The following TACR1 variants were observed in gnomAD, a reference collection of about 807,000 sequenced individuals.
TACR1 encodes tachykinin receptor 1, also known as substance-P receptor.
In TACR1, 25 loss-of-function variants were observed where a neutral mutation model predicts 35.8. The observed-to-expected ratio is 0.70, with a 90% CI of 0.51 to 0.98. The LOEUF is 0.98. TACR1 is among the 50% of genes least tolerant of loss of function. The pLI, the probability that TACR1 is intolerant of heterozygous loss-of-function variation, is 0.00. For missense variants in TACR1, 478 were observed against 522.9 expected, an observed-to-expected ratio of 0.91 and a Z score of 0.84; for synonymous variants, 195 against 206.7, an observed-to-expected ratio of 0.94 and a Z score of 0.48.
chr2:75,085,021 T>C (rs1014647335), intron 2 of TACR1, among the ~76,000 whole-genome samples: 2 of 152,102 alleles, frequency 1.3e-5, no homozygotes, highest in Non-Finnish European at 2.9e-5. Flanking sequence ...TGTGATGTTA[T>C]GGTGTCAATT....
intron 2 of TACR1, among the ~76,000 whole-genome samples, chr2:75,086,448 A>C (rs1003934424): frequency 4.6e-5 from 7 of 152,220 alleles, no homozygotes; most frequent in Non-Finnish European, 1.0e-4. Context: ...CTCAGGTCCA[A>C]GTGCAGTACT....
At chr2:75,060,333 T>G (rs1367867310) in intron 2 of TACR1, among the ~76,000 whole-genome samples, 3 of 152,200 alleles carry the variant, frequency 2.0e-5, no homozygotes, top group Non-Finnish European at 4.4e-5. Context: ...TTTGTGCATG[T>G]GCGTTAGTGC....
chr2:75,089,650 G>C (rs1673266044), intron 2 of TACR1, among the ~76,000 whole-genome samples: 1 of 152,182 alleles, frequency 6.6e-6, no homozygotes, highest in Admixed American at 6.6e-5. Context: ...AGAGAAATGA[G>C]ATGTTTGGCC....
chr2:75,089,523 C>G (rs540053360), intron 2 of TACR1, among the ~76,000 whole-genome samples: 1 of 152,294 alleles, frequency 6.6e-6, no homozygotes, highest in African/African-American at 2.4e-5. Flanking sequence ...TTGAAAGTAT[C>G]TGATGACTTA....
chr2:75,134,728 G>A (rs1248809540), intron 1 of TACR1, among the ~76,000 whole-genome samples: 1 of 152,202 alleles, frequency 6.6e-6, no homozygotes, highest in African/African-American at 2.4e-5. Context: ...CTTATCAGGA[G>A]TCAGTATTGT....
chr2:75,051,268 G>A lies in TACR1; in HGVS notation c.915C>T (p.Tyr305=). Residue 305 remains tyrosine (Y), a synonymous_variant, in exon 4 of 5, where the codon TAC becomes TAT. Transcript: ENST00000305249. Reference sequence around the variant, plus strand: ...ATCCTCACCTGTCATTGAGGCAGCAGTAGATGATGGGGTTGTACATGGTGG... The same window carrying A: ...ATCCTCACCTGTCATTGAGGCAGCAATAGATGATGGGGTTGTACATGGTGG... ...MSSTMYNPII[Y]CCLNDRFRLG... 5 of 1,614,206 alleles carry A rather than the reference G, an allele frequency of 3.1e-6. No homozygotes were observed. Among genetic ancestry groups the A allele is most frequent in the Non-Finnish European group, 4.2e-6 (5 of 1,180,044 alleles).
chr2:75,109,386 T>G (rs558221161), intron 2 of TACR1, among the ~76,000 whole-genome samples: 49 of 152,188 alleles, frequency 3.2e-4, no homozygotes, highest in Non-Finnish European at 6.3e-4. Flanking sequence ...TTTTTAAATC[T>G]GGAATTTAAA....
At chr2:75,073,890 T>C (rs1175999101) in intron 2 of TACR1, among the ~76,000 whole-genome samples, 1 of 152,180 alleles carries the variant, frequency 6.6e-6, no homozygotes, top group Non-Finnish European at 1.5e-5. Context: ...GAATATGTTC[T>C]CCTCAGCACA....
intron 1 of TACR1, among the ~76,000 whole-genome samples, chr2:75,184,912 A>T (rs1230723424): frequency 6.6e-6 from 1 of 151,908 alleles, no homozygotes; most frequent in African/African-American, 2.4e-5. Flanking sequence ...TTGATATGCT[A>T]ATAATTCTTT....
At chr2:75,100,942 A>C (rs536798701) in intron 2 of TACR1, among the ~76,000 whole-genome samples, 1 of 152,292 alleles carries the variant, frequency 6.6e-6, no homozygotes, top group South Asian at 2.1e-4. Flanking sequence ...TAATTTATGT[A>C]CTTAATAACA....
intron 1 of TACR1, among the ~76,000 whole-genome samples, chr2:75,127,757 G>A (rs1674101678): frequency 6.6e-6 from 1 of 152,310 alleles, no homozygotes; most frequent in Middle Eastern, 3.4e-3. Context: ...ATGAGACGAG[G>A]TGATTCCAGA....
chr2:75,096,159 G>T (rs1355553998), intron 2 of TACR1, among the ~76,000 whole-genome samples: 1 of 152,200 alleles, frequency 6.6e-6, no homozygotes, highest in African/African-American at 2.4e-5. Context: ...GGGGAGAGCA[G>T]TTGATTGTAA....
chr2:75,065,245 C>G (rs72824232), intron 2 of TACR1, among the ~76,000 whole-genome samples: 9,240 of 152,274 alleles, frequency 0.061, 806 homozygotes, highest in African/African-American at 0.19. Flanking sequence ...CACACAGTGC[C>G]CACCTCCCAA....
chr2:75,060,736 G>A (rs1418899197), intron 2 of TACR1, among the ~76,000 whole-genome samples: 1 of 152,212 alleles, frequency 6.6e-6, no homozygotes. Context: ...ATGGATGGAG[G>A]TGGAAAAGTC....
At chr2:75,061,595 G>T (rs1227919847) in intron 2 of TACR1, among the ~76,000 whole-genome samples, 2 of 152,160 alleles carry the variant, frequency 1.3e-5, no homozygotes, top group Admixed American at 1.3e-4. Context: ...CCATCTTTCT[G>T]CAGAGACAGG....
chr2:75,088,023 G>GT (rs1673221808), intron 2 of TACR1, among the ~76,000 whole-genome samples: 1 of 152,146 alleles, frequency 6.6e-6, no homozygotes, highest in Admixed American at 6.6e-5. Context: ...CTCATCTGTA[G>GT]TCCCCCCATG....
At chr2:75,066,055 C>T (rs1672757336) in intron 2 of TACR1, among the ~76,000 whole-genome samples, 1 of 152,170 alleles carries the variant, frequency 6.6e-6, no homozygotes, top group Non-Finnish European at 1.5e-5. Flanking sequence ...GGAACCTTTT[C>T]TTCTGAGGAA....
At chr2:75,155,694 A>G (rs898751317) in intron 1 of TACR1, among the ~76,000 whole-genome samples, 3 of 152,264 alleles carry the variant, frequency 2.0e-5, no homozygotes, top group Non-Finnish European at 4.4e-5. Context: ...TTTACATTTT[A>G]TCATATCCAC....
At chr2:75,180,928 A>G (rs977740008) in intron 1 of TACR1, among the ~76,000 whole-genome samples, 6 of 152,212 alleles carry the variant, frequency 3.9e-5, no homozygotes, top group African/African-American at 1.4e-4. Flanking sequence ...GACATTTTAC[A>G]GTGAATATGT....
Sources: allele counts gnomAD v4.1 joint callset (sites outside exome capture counted in the v4.1 genomes callset), GRCh38; gene constraint gnomAD v4.1.1; transcripts MANE v1.5; gene names NCBI Gene and HGNC (gene_info 2026-07-23, HGNC 2026-07-21).